Variants in MECOM observed in about 807,000 individuals in gnomAD.
MECOM encodes histone-lysine N-methyltransferase MECOM.
A neutral mutation model predicts 116.3 loss-of-function variants in MECOM; 13 were observed. The ratio of observed to expected loss-of-function variants is 0.11; its 90% CI spans 0.07 to 0.18. The LOEUF (loss-of-function observed/expected upper bound fraction) is 0.18, where lower values mean the gene tolerates loss of function less well. Among genes scored for constraint, MECOM ranks in the 10% least tolerant of loss-of-function variants. The pLI, the probability that MECOM is intolerant of heterozygous loss-of-function variation, is 1.00. For synonymous variants in MECOM, 528 were observed against 535.2 expected, an observed-to-expected ratio of 0.99 and a Z score of 0.19; for missense variants, 1,299 against 1,509.0, an observed-to-expected ratio of 0.86 and a Z score of 2.31.
intron 2 of MECOM, chr3:169,149,737 G>A (rs746096025): frequency 1.8e-5 from 8 of 456,778 alleles, no homozygotes; most frequent in Non-Finnish European, 2.6e-5. Context: ...CTTACCCTCC[G>A]AGACCTTGGA....
chr3:169,101,065 C>T (rs1322257656), intron 11 of MECOM, 103 bp from the exon 12 acceptor site: 3 of 588,428 alleles, frequency 5.1e-6, no homozygotes, highest in Non-Finnish European at 8.5e-6. Context: ...ATTAATCTTG[C>T]ATGGAACTCA....
At chr3:169,497,933 C>T (rs916796042) in intron 1 of MECOM, among the ~76,000 whole-genome samples, 4 of 152,074 alleles carry the variant, frequency 2.6e-5, no homozygotes, top group South Asian at 4.1e-4. Context: ...CTGTTTGTGG[C>T]CTCAGAAATG....
intron 2 of MECOM, among the ~76,000 whole-genome samples, chr3:169,222,658 A>T (rs531228253): frequency 2.6e-5 from 4 of 152,224 alleles, no homozygotes; most frequent in Non-Finnish European, 4.4e-5. Context: ...TGAAACGCAG[A>T]TATAAATTTT....
chr3:169,161,036 C>T (rs1007775874), intron 2 of MECOM, among the ~76,000 whole-genome samples: 12 of 152,140 alleles, frequency 7.9e-5, no homozygotes, highest in African/African-American at 1.2e-4. Context: ...GAGTTCAACA[C>T]GTAAACCAAC....
intron 2 of MECOM, among the ~76,000 whole-genome samples, chr3:169,380,053 T>A (rs1473759410): frequency 6.6e-6 from 1 of 152,154 alleles, no homozygotes; most frequent in South Asian, 2.1e-4. Flanking sequence ...GCTTTTATTA[T>A]GGCATTTTGA....
rs189355541 is a variant in MECOM, at chr3:169,633,871, G to C, written c.37+29465C>G. Among the ~76,000 whole-genome samples, 294 of 137,296 alleles carry C rather than the reference G, an allele frequency of 2.1e-3. 3 individuals are homozygous for C. The highest frequency in any genetic ancestry group is 5.0e-4 in the Non-Finnish European group (32 of 63,510). 90.1% of individuals were successfully genotyped at this position (137,296 alleles called of 152,430 possible). On this transcript the variant is annotated intron_variant, in intron 1 of 16. Transcript: ENST00000651503. ...CAAAGTAAGACAGAAAAAGGAAAAA[G>C]AAAGAGAGAGGTAAACAGTAGTGAC...
intron 1 of MECOM, among the ~76,000 whole-genome samples, chr3:169,439,828 C>T (rs759325265): frequency 1.2e-4 from 18 of 151,972 alleles, no homozygotes; most frequent in African/African-American, 2.7e-4. Context: ...AATAAATAAA[C>T]GGTGGTATAG....
At chr3:169,358,971 A>C (rs964653245) in intron 2 of MECOM, among the ~76,000 whole-genome samples, 2 of 151,524 alleles carry the variant, frequency 1.3e-5, no homozygotes, top group African/African-American at 4.8e-5. Flanking sequence ...TTTTTCATCT[A>C]TTTTTCTCAA....
chr3:169,458,495 G>T (rs1045217499), intron 1 of MECOM, among the ~76,000 whole-genome samples: 2 of 152,190 alleles, frequency 1.3e-5, no homozygotes, highest in Non-Finnish European at 2.9e-5. Context: ...GTCCCTGGGG[G>T]CCTTGGAGCC....
At chr3:169,193,739 C>G (rs1047618471) in intron 2 of MECOM, among the ~76,000 whole-genome samples, 1 of 151,792 alleles carries the variant, frequency 6.6e-6, no homozygotes, top group Non-Finnish European at 1.5e-5. Flanking sequence ...TGTTAATCAC[C>G]TATTTCAAAA....
In MECOM at chr3:169,650,266, T is replaced by G. The variant is rs1774717274; in HGVS notation, c.37+13070A>C. Among the ~76,000 whole-genome samples the G allele has an allele frequency of 2.6e-5, 4 of 152,232 alleles. No individual in the cohort carries two copies. The South Asian group carries it at 8.3e-4, about 31-fold the overall frequency. ...AAAATGGTCTTCATAATTCATAAGC[T>G]AGAAATTATTGTGGGTAATTTTTTA... On this transcript the variant is annotated intron_variant, in intron 1 of 16. Coordinates refer to ENST00000651503, the MANE Select transcript of MECOM (RefSeq NM_004991.4).
chr3:169,563,123 T>A (rs983039938), intron 1 of MECOM, among the ~76,000 whole-genome samples: 1 of 146,532 alleles, frequency 6.8e-6, no homozygotes, highest in Non-Finnish European at 1.5e-5. Context: ...TTGAAAGGGG[T>A]CACATTCTAA....
chr3:169,260,300 T>C (rs1757387448), intron 2 of MECOM, among the ~76,000 whole-genome samples: 1 of 152,184 alleles, frequency 6.6e-6, no homozygotes, highest in Non-Finnish European at 1.5e-5. Context: ...GAACTTACAT[T>C]AAAACTAACA....
At chr3:169,327,517 A>G (rs1466717184) in intron 2 of MECOM, among the ~76,000 whole-genome samples, 1 of 151,826 alleles carries the variant, frequency 6.6e-6, no homozygotes, top group Non-Finnish European at 1.5e-5. Context: ...ACATGCCTGT[A>G]GTCTCAGTCA....
chr3:169,264,599 A>G (rs141737318), intron 2 of MECOM, among the ~76,000 whole-genome samples: 14 of 152,296 alleles, frequency 9.2e-5, no homozygotes, highest in African/African-American at 1.4e-4. Flanking sequence ...CTTGTTAATC[A>G]GGTAAGAAAG....
chr3:169,314,449 G>A (rs768601190), intron 2 of MECOM, among the ~76,000 whole-genome samples: 1 of 152,222 alleles, frequency 6.6e-6, no homozygotes, highest in Non-Finnish European at 1.5e-5. Flanking sequence ...CTGCTCCAAT[G>A]TAACACCATC....
At chr3:169,131,577 T>C in intron 3 of MECOM, 46 bp from the exon 4 acceptor site, 1 of 1,459,608 alleles carries the variant, frequency 6.9e-7, no homozygotes, top group South Asian at 1.2e-5. Flanking sequence ...AAGAGAGAGA[T>C]GTATATATAT....
chr3:169,458,146 T>G (rs895755368), intron 1 of MECOM, among the ~76,000 whole-genome samples: 3 of 152,202 alleles, frequency 2.0e-5, no homozygotes, highest in Non-Finnish European at 4.4e-5. Flanking sequence ...CAGGCCTTAA[T>G]GGGAAGGACA....
chr3:169,496,000 G>A (rs530867852), intron 1 of MECOM, among the ~76,000 whole-genome samples: 3 of 152,246 alleles, frequency 2.0e-5, no homozygotes, highest in South Asian at 4.2e-4. Flanking sequence ...TAAAAGGGTC[G>A]ACTCCAACTA....
Sources: gnomAD v4.1 joint callset for allele counts (sites outside exome capture counted in the v4.1 genomes callset) on GRCh38, gnomAD v4.1.1 for gene constraint, MANE v1.5 for transcripts, NCBI Gene and HGNC (gene_info 2026-07-23, HGNC 2026-07-21) for gene names.